The following STAP1 variants were observed in gnomAD, a reference collection of about 807,000 sequenced individuals.
STAP1 encodes the protein signal-transducing adaptor protein 1.
STAP1 carries 30 observed loss-of-function variants against 37.8 expected under a neutral mutation model. That is an observed-to-expected ratio of 0.79 (90% confidence interval 0.59 to 1.08). The LOEUF is 1.08. Ranked by LOEUF, STAP1 falls within the 50% of genes least tolerant of loss-of-function variation. STAP1 has a pLI of 0.00. For synonymous variants in STAP1, 130 were observed against 116.0 expected (o/e 1.12, Z -0.78); for missense variants, 357 against 349.4 (o/e 1.02, Z -0.17).
chr4:67,584,098 GAA>G (rs60099631), intron 6 of STAP1, among the ~76,000 whole-genome samples: 37,305 of 94,210 alleles, frequency 0.4, 5,959 homozygotes, highest in South Asian at 0.5. Flanking sequence ...ACTCGGTCTC[GAA>G]AAAAAAAAAA....
chr4:67,596,093 C>T (rs1217952186), intron 8 of STAP1, among the ~76,000 whole-genome samples: 1 of 152,096 alleles, frequency 6.6e-6, no homozygotes, highest in South Asian at 2.1e-4. Flanking sequence ...AATCTCATCT[C>T]GAATCGTAAT....
At chr4:67,599,903 A>G (rs867712972) in intron 8 of STAP1, among the ~76,000 whole-genome samples, 8 of 152,222 alleles carry the variant, frequency 5.3e-5, no homozygotes, top group South Asian at 2.1e-4. Flanking sequence ...CGGACTCCCA[A>G]TGTATTGGGA....
chr4:67,584,801 C>T (rs1727945532), intron 6 of STAP1, among the ~76,000 whole-genome samples: 2 of 152,150 alleles, frequency 1.3e-5, no homozygotes, highest in South Asian at 2.1e-4. Context: ...AGGGACACAT[C>T]ACTCAGAGCC....
chr4:67,590,510 T>C (rs767879472), intron 6 of STAP1, among the ~76,000 whole-genome samples: 3 of 152,196 alleles, frequency 2.0e-5, no homozygotes, highest in Admixed American at 6.5e-5. Flanking sequence ...ATGGAGAATA[T>C]ATATTTGATT....
intron 4 of STAP1, among the ~76,000 whole-genome samples, chr4:67,578,539 G>A (rs3775867): frequency 0.8 from 121,696 of 151,688 alleles, 49,913 homozygotes; most frequent in Non-Finnish European, 0.9. Flanking sequence ...GGAGAGGAAG[G>A]AATCCTGGGG....
chr4:67,569,466 T>C (rs1727549389), intron 1 of STAP1, among the ~76,000 whole-genome samples: 1 of 146,930 alleles, frequency 6.8e-6, no homozygotes, highest in Non-Finnish European at 1.5e-5. Context: ...ACTGTAACTA[T>C]TTTACATTAT....
At chr4:67,583,097 CAAT>C (rs1727901259) in intron 5 of STAP1, among the ~76,000 whole-genome samples, 1 of 152,100 alleles carries the variant, frequency 6.6e-6, no homozygotes, top group Non-Finnish European at 1.5e-5. Context: ...AAAATAACAA[CAAT>C]GCCATAGAAA....
rs1034675475 is a variant in STAP1, at chr4:67,607,252, C to G, written c.*895C>G. ...GCCATTGACAACTCAAGGAGAGAGG[C>G]CTCGGGGGGAAAAAAAGATCAACCT... On this transcript the variant is annotated 3_prime_UTR_variant, in exon 9 of 9. Coordinates refer to ENST00000265404, the MANE Select transcript of STAP1 (RefSeq NM_012108.4). 5.9e-5 allele frequency: 9 copies of G among 152,026 alleles called. No individual in the cohort carries two copies. Among genetic ancestry groups the G allele is most frequent in the African/African-American group, 2.2e-4 (9 of 41,376 alleles). 9.4% of individuals were successfully genotyped at this position (152,026 alleles called of 1,614,324 possible).
chr4:67,588,039 T>TAAAAAAAAA (rs3032636), intron 6 of STAP1, among the ~76,000 whole-genome samples: 6 of 85,634 alleles, frequency 7.0e-5, no homozygotes, highest in Non-Finnish European at 1.0e-4. Context: ...CACATTTTCT[T>TAAAAAAAAA]AAAAAAAAAA....
intron 1 of STAP1, among the ~76,000 whole-genome samples, chr4:67,564,156 A>C (rs2109853296): frequency 6.6e-6 from 1 of 152,300 alleles, no homozygotes; most frequent in East Asian, 1.9e-4. Flanking sequence ...TACTGAATAT[A>C]AGTTTGGTCT....
chr4:67,582,301 G>GTTTTTTTTTTTTTTTTTTTTTT (rs368595773), intron 5 of STAP1, among the ~76,000 whole-genome samples: 1 of 148,062 alleles, frequency 6.8e-6, no homozygotes. Context: ...TAACATTTTA[G>GTTTTTTTTTTTTTTTTTTTTTT]TTTTTTTTTT....
intron 8 of STAP1, among the ~76,000 whole-genome samples, chr4:67,601,063 G>A (rs538595279): frequency 6.6e-6 from 1 of 151,092 alleles, no homozygotes; most frequent in Non-Finnish European, 1.5e-5. Flanking sequence ...CTTCTTTCTT[G>A]TCTTTTTTGT....
intron 1 of STAP1, among the ~76,000 whole-genome samples, chr4:67,567,979 G>A (rs2109855829): frequency 6.6e-6 from 1 of 152,300 alleles, no homozygotes; most frequent in Middle Eastern, 3.4e-3. Context: ...TTACATGGGA[G>A]AAGCTAACTC....
chr4:67,563,108 C>A lies in STAP1; in HGVS notation c.120+4179C>A, dbSNP rs187017954. ...TGTAATTCATTTTTGCTAGTTAATT[C>A]ATTTTTGCTAGTTGTATTAATGAGA... is the stretch of plus-strand genomic sequence containing the variant. On this transcript the variant is annotated intron_variant, in intron 1 of 8. Coordinates refer to ENST00000265404, the MANE Select transcript of STAP1 (RefSeq NM_012108.4). Among the ~76,000 whole-genome samples the A allele has an allele frequency of 5.0e-3, 759 of 152,244 alleles. 6 individuals carry two copies. The highest frequency in any genetic ancestry group is 8.7e-3 in the Non-Finnish European group (594 of 68,014).
chr4:67,606,492 T>A lies in STAP1; in HGVS notation c.*135T>A. ...ATTCACCTGAACACCAGAATTAGAA[T>A]TAAACATTGTACCATACAATTTCAT... On this transcript the variant is annotated 3_prime_UTR_variant, in exon 9 of 9. Coordinates refer to ENST00000265404, the MANE Select transcript of STAP1 (RefSeq NM_012108.4). The A allele has an allele frequency of 1.4e-6, 1 of 723,402 alleles. No homozygotes were observed. Among genetic ancestry groups the A allele is most frequent in the Non-Finnish European group, 2.2e-6 (1 of 445,912 alleles). The allele number at this position is 723,402 out of a possible 1,614,324, so 44.8% of individuals were successfully genotyped here. A position where few individuals can be genotyped will look rare whatever the true frequency, so the allele number is the denominator to read the frequency against.
At chr4:67,598,963 T>C (rs1243006449) in intron 8 of STAP1, among the ~76,000 whole-genome samples, 3 of 152,220 alleles carry the variant, frequency 2.0e-5, no homozygotes, top group African/African-American at 7.2e-5. Flanking sequence ...TCAGCATCAA[T>C]TGAAATGATC....
intron 1 of STAP1, among the ~76,000 whole-genome samples, chr4:67,561,358 T>G (rs1439762861): frequency 6.6e-6 from 1 of 152,194 alleles, no homozygotes; most frequent in Non-Finnish European, 1.5e-5. Flanking sequence ...CTCTGCAGAA[T>G]GTAAAGTTGG....
intron 6 of STAP1, among the ~76,000 whole-genome samples, chr4:67,586,321 G>T (rs1727978270): frequency 6.6e-6 from 1 of 152,262 alleles, no homozygotes; most frequent in Admixed American, 6.5e-5. Context: ...GCTGGGTGTG[G>T]TGGCACGCAC....
chr4:67,576,585 C>T (rs1727725599), intron 3 of STAP1, among the ~76,000 whole-genome samples: 1 of 152,212 alleles, frequency 6.6e-6, no homozygotes, highest in Non-Finnish European at 1.5e-5. Flanking sequence ...ATGTTGGCTG[C>T]AGTCTTGACC....
Sources: gnomAD v4.1 joint callset for allele counts (sites outside exome capture counted in the v4.1 genomes callset) on GRCh38, gnomAD v4.1.1 for gene constraint, MANE v1.5 for transcripts, NCBI Gene and HGNC (gene_info 2026-07-23, HGNC 2026-07-21) for gene names.